The following PCDH15 variants were observed in gnomAD, a reference collection of about 807,000 sequenced individuals.
PCDH15 encodes the protein protocadherin-15.
Under a neutral mutation model 178.5 loss-of-function variants are expected in PCDH15, and 129 were observed. The observed-to-expected ratio is 0.72, with a 90% confidence interval of 0.63 to 0.84. PCDH15 has a LOEUF of 0.84. PCDH15 is among the 40% of genes least tolerant of loss of function. PCDH15 has a pLI of 0.00. For synonymous variants in PCDH15, 800 were observed against 732.0 expected (o/e 1.09, Z -1.50); for missense variants, 2,230 against 2,099.9 (o/e 1.06, Z -1.21).
At chr10:54,339,625 T>C (rs903940064) in intron 6 of PCDH15, among the ~76,000 whole-genome samples, 2 of 152,196 alleles carry the variant, frequency 1.3e-5, no homozygotes, top group African/African-American at 4.8e-5. Flanking sequence ...AAAGATTCTT[T>C]GCCTGGCCAA....
chr10:53,845,953 T>C (rs1419318673), intron 28 of PCDH15, among the ~76,000 whole-genome samples: 3 of 151,626 alleles, frequency 2.0e-5, no homozygotes, highest in Non-Finnish European at 4.4e-5. Flanking sequence ...ACATTATATA[T>C]ATATGAATCC....
intron 20 of PCDH15, among the ~76,000 whole-genome samples, chr10:54,015,961 C>A (rs1176662066): frequency 6.6e-6 from 1 of 152,062 alleles, no homozygotes; most frequent in Non-Finnish European, 1.5e-5. Flanking sequence ...AACAAAAAAA[C>A]TATCAACAGA....
At chr10:55,419,194 G>A (rs897165339) in intron 2 of PCDH15, among the ~76,000 whole-genome samples, 4 of 151,628 alleles carry the variant, frequency 2.6e-5, no homozygotes, top group Admixed American at 1.3e-4. Context: ...AAATGGGGAG[G>A]GAGGCCAGTT....
intron 25 of PCDH15, among the ~76,000 whole-genome samples, chr10:53,935,316 T>A (rs2085472021): frequency 6.6e-6 from 1 of 152,114 alleles, no homozygotes; most frequent in Non-Finnish European, 1.5e-5. Flanking sequence ...TGGGAATGGG[T>A]TACTGATAAC....
At chr10:54,146,895 CATATATATATAGTGTATATATATAGTGT>C (rs1564529959) in intron 14 of PCDH15, among the ~76,000 whole-genome samples, 1 of 43,656 alleles carries the variant, frequency 2.3e-5, no homozygotes, top group Non-Finnish European at 4.3e-5. Flanking sequence ...TGTGTGTATA[CATATATATATAGTGTATATATATAGTGT>C]ATATATATAT....
At chr10:54,103,405 T>C (rs980875097) in intron 15 of PCDH15, among the ~76,000 whole-genome samples, 29 of 152,212 alleles carry the variant, frequency 1.9e-4, no homozygotes, top group Non-Finnish European at 1.2e-4. Flanking sequence ...CCATGCCACC[T>C]TGGGATCCAA....
chr10:53,813,495 CTCTCA>C (rs2132409542), intron 35 of PCDH15, among the ~76,000 whole-genome samples: 1 of 152,302 alleles, frequency 6.6e-6, no homozygotes, highest in African/African-American at 2.4e-5. Flanking sequence ...AGAGCTAAAA[CTCTCA>C]TCTAAGTCTG....
chr10:54,910,626 C>A (rs1287438451), intron 2 of PCDH15, among the ~76,000 whole-genome samples: 1 of 152,090 alleles, frequency 6.6e-6, no homozygotes, highest in East Asian at 1.9e-4. Context: ...GAAAATTTGC[C>A]TGACTACCCC....
chr10:53,841,790 G>C (rs1415280544), intron 28 of PCDH15, among the ~76,000 whole-genome samples: 1 of 152,054 alleles, frequency 6.6e-6, no homozygotes, highest in African/African-American at 2.4e-5. Flanking sequence ...TGTAAAAAAG[G>C]AGGAGGAGCA....
intron 2 of PCDH15, among the ~76,000 whole-genome samples, chr10:55,033,638 T>G (rs1840665420): frequency 6.6e-6 from 1 of 152,198 alleles, no homozygotes; most frequent in Non-Finnish European, 1.5e-5. Context: ...GAAACACTCT[T>G]GAGTTTCACT....
intron 8 of PCDH15, among the ~76,000 whole-genome samples, chr10:54,241,836 G>A (rs1043838167): frequency 1.3e-5 from 2 of 148,778 alleles, no homozygotes; most frequent in East Asian, 2.0e-4. Context: ...AACAAAAAAA[G>A]TCTTCTGTGA....
At position 53,951,848 on chromosome 10, in the gene PCDH15, G is replaced by A. The variant is rs78934543; in HGVS notation, c.3122+7884C>T. On this transcript the variant is annotated intron_variant, in intron 23 of 37. Transcript: ENST00000644397. The stretch of plus-strand genomic sequence containing the variant: ...TGAGCCAGGTGCAGAGCAGCAAGGT[G>A]GGGATGAGAGTGAGTGTGGGGTCCA... Among the ~76,000 whole-genome samples the A allele has an allele frequency of 1.6e-4, 25 of 152,240 alleles. No homozygotes were observed. In the East Asian group the frequency reaches 4.5e-3, roughly 27 times the overall value.
At chr10:55,544,139 CAT>C (rs1176456895) in intron 2 of PCDH15, among the ~76,000 whole-genome samples, 84 of 54,312 alleles carry the variant, frequency 1.5e-3, no homozygotes, top group Admixed American at 4.5e-3. Context: ...CTTATACATA[CAT>C]ATATATATAT....
chr10:55,074,571 T>A (rs1016156697), intron 2 of PCDH15, among the ~76,000 whole-genome samples: 1 of 152,036 alleles, frequency 6.6e-6, no homozygotes, highest in South Asian at 2.1e-4. Flanking sequence ...TTTATGGGGG[T>A]TTTTTTGTAA....
chr10:54,178,097 A>G (rs2133731587), intron 13 of PCDH15, among the ~76,000 whole-genome samples: 1 of 152,292 alleles, frequency 6.6e-6, no homozygotes, highest in South Asian at 2.1e-4. Context: ...GGCCAGTAAC[A>G]TCTCTCAGCC....
At chr10:55,201,400 AG>A (rs936771769) in intron 1 of PCDH15, among the ~76,000 whole-genome samples, 8 of 152,108 alleles carry the variant, frequency 5.3e-5, no homozygotes, top group African/African-American at 1.9e-4. Context: ...CTTGCAATTG[AG>A]GGGGGAAAAA....
At chr10:53,813,483 G>C (rs941721164) in intron 35 of PCDH15, among the ~76,000 whole-genome samples, 7 of 152,192 alleles carry the variant, frequency 4.6e-5, no homozygotes, top group Non-Finnish European at 8.8e-5. Flanking sequence ...CAGGGACACA[G>C]AAGAGCTAAA....
chr10:54,486,536 C>T (rs1365430140), intron 3 of PCDH15, among the ~76,000 whole-genome samples: 3 of 151,864 alleles, frequency 2.0e-5, no homozygotes, highest in African/African-American at 7.2e-5. Context: ...ACTAGTTATT[C>T]CCAAATATGT....
intron 2 of PCDH15, among the ~76,000 whole-genome samples, chr10:55,453,040 T>C (rs1029953620): frequency 2.0e-5 from 3 of 152,146 alleles, no homozygotes; most frequent in East Asian, 1.9e-4. Flanking sequence ...TAAAAACATA[T>C]AAATACAAAT....
Sources: allele counts gnomAD v4.1 joint callset (sites outside exome capture counted in the v4.1 genomes callset), GRCh38; gene constraint gnomAD v4.1.1; transcripts MANE v1.5; gene names NCBI Gene and HGNC (gene_info 2026-07-23, HGNC 2026-07-21).